Variants in GABRB1 observed in about 807,000 individuals in gnomAD.
The protein encoded by GABRB1 is gamma-aminobutyric acid type A receptor subunit beta1.
GABRB1 carries 17 observed loss-of-function variants against 51.6 expected under a neutral mutation model. The observed-to-expected ratio is 0.33, with a 90% CI of 0.23 to 0.49. The LOEUF is 0.49. GABRB1 is among the 20% of genes least tolerant of loss of function. The pLI, the probability that GABRB1 is intolerant of heterozygous loss-of-function variation, is 0.99. For synonymous variants in GABRB1, 247 were observed against 218.9 expected, an observed-to-expected ratio of 1.13 and a Z score of -1.14; for missense variants, 410 against 600.6, an observed-to-expected ratio of 0.68 and a Z score of 3.32.
intron 4 of GABRB1, among the ~76,000 whole-genome samples, chr4:47,313,057 A>C (rs1015091222): frequency 1.3e-5 from 2 of 152,214 alleles, no homozygotes; most frequent in Non-Finnish European, 2.9e-5. Flanking sequence ...ATTTCTGTTC[A>C]TTCCAAAGTA....
chr4:46,996,649 A>G (rs978836470), intron 1 of GABRB1, among the ~76,000 whole-genome samples: 2 of 152,176 alleles, frequency 1.3e-5, no homozygotes, highest in Non-Finnish European at 2.9e-5. Context: ...AGGCGAATGA[A>G]TATTTGTAGT....
intron 1 of GABRB1, among the ~76,000 whole-genome samples, chr4:47,019,131 T>C (rs1412544151): frequency 6.6e-6 from 1 of 152,080 alleles, no homozygotes; most frequent in Non-Finnish European, 1.5e-5. Flanking sequence ...CATTGAAAAA[T>C]ATGAATTTCT....
chr4:47,150,850 G>T (rs1717412442), intron 3 of GABRB1, among the ~76,000 whole-genome samples: 3 of 151,878 alleles, frequency 2.0e-5, no homozygotes, highest in African/African-American at 7.2e-5. Flanking sequence ...TATATAAAAT[G>T]ATCTTATTGT....
At chr4:47,047,419 A>G (rs1459595608) in intron 3 of GABRB1, among the ~76,000 whole-genome samples, 3 of 152,154 alleles carry the variant, frequency 2.0e-5, no homozygotes, top group African/African-American at 4.8e-5. Context: ...TATTTTACAG[A>G]TATGTAAACT....
chr4:47,341,520 CTAGT>C (rs753144729), intron 5 of GABRB1, among the ~76,000 whole-genome samples: 11 of 152,152 alleles, frequency 7.2e-5, no homozygotes, highest in Non-Finnish European at 1.5e-4. Context: ...AATAAATTGT[CTAGT>C]TAGTTAATGA....
intron 1 of GABRB1, among the ~76,000 whole-genome samples, chr4:47,015,463 A>T (rs1724715470): frequency 6.6e-6 from 1 of 152,208 alleles, no homozygotes; most frequent in East Asian, 1.9e-4. Flanking sequence ...ATAACAATGA[A>T]TTAGTCCAAA....
chr4:47,210,021 A>T (rs1043952482), intron 4 of GABRB1, among the ~76,000 whole-genome samples: 1 of 152,124 alleles, frequency 6.6e-6, no homozygotes, highest in African/African-American at 2.4e-5. Flanking sequence ...AGGATGACAG[A>T]AATATATTGA....
At chr4:47,392,528 A>G (rs990314555) in intron 5 of GABRB1, among the ~76,000 whole-genome samples, 2 of 152,042 alleles carry the variant, frequency 1.3e-5, no homozygotes, top group African/African-American at 4.8e-5. Flanking sequence ...TTTTTAGTAG[A>G]GACAGGGTTT....
chr4:47,099,913 A>G (rs1175497398), intron 3 of GABRB1, among the ~76,000 whole-genome samples: 1 of 151,984 alleles, frequency 6.6e-6, no homozygotes, highest in East Asian at 1.9e-4. Flanking sequence ...CAGAAAAAGC[A>G]TTTAGTTGTA....
At chr4:47,324,770 G>A (rs996563477) in intron 5 of GABRB1, among the ~76,000 whole-genome samples, 1 of 152,166 alleles carries the variant, frequency 6.6e-6, no homozygotes, top group Admixed American at 6.5e-5. Context: ...GGCATCTTGA[G>A]TTTAATTTGC....
chr4:47,203,787 A>C (rs1720000679), intron 4 of GABRB1, among the ~76,000 whole-genome samples: 1 of 151,784 alleles, frequency 6.6e-6, no homozygotes, highest in African/African-American at 2.4e-5. Context: ...GCCCCCTCAG[A>C]GCGTAGGTGG....
chr4:47,191,138 A>T (rs1719426735), intron 4 of GABRB1, among the ~76,000 whole-genome samples: 1 of 152,192 alleles, frequency 6.6e-6, no homozygotes, highest in Admixed American at 6.5e-5. Context: ...AGATCAGAGA[A>T]TCAGCAGAGT....
At chr4:47,024,166 T>G (rs1725015163) in intron 1 of GABRB1, among the ~76,000 whole-genome samples, 1 of 151,996 alleles carries the variant, frequency 6.6e-6, no homozygotes. Context: ...TAGTAGTTTG[T>G]TCTTCTTGTT....
At chr4:47,029,902 T>C (rs1315865657), upstream of GABRB1, among the ~76,000 whole-genome samples, 1 of 152,152 alleles carries the variant, frequency 6.6e-6, no homozygotes, top group Admixed American at 6.5e-5. Flanking sequence ...GACAAACTGA[T>C]TCAGTTTCTA....
chr4:47,320,404 AT>A (rs1725036472), intron 5 of GABRB1, among the ~76,000 whole-genome samples, 195 bp downstream of exon 5: 1 of 152,218 alleles, frequency 6.6e-6, no homozygotes, highest in Admixed American at 6.5e-5. Context: ...AAGTTCACTT[AT>A]TTTAGCTCAA....
intron 1 of GABRB1, among the ~76,000 whole-genome samples, chr4:47,007,142 TAAA>T (rs60210572): frequency 6.9e-6 from 1 of 145,376 alleles, no homozygotes; most frequent in African/African-American, 2.6e-5. Flanking sequence ...CCTGTTTGGA[TAAA>T]AAAAAAAAGA....
At chr4:47,390,884 G>A (rs1727964275) in intron 5 of GABRB1, among the ~76,000 whole-genome samples, 2 of 152,114 alleles carry the variant, frequency 1.3e-5, no homozygotes, top group Non-Finnish European at 2.9e-5. Flanking sequence ...TCTACTTGGA[G>A]AGGAGTAAGC....
intron 1 of GABRB1, among the ~76,000 whole-genome samples, chr4:46,998,301 C>A (rs1331951894): frequency 1.3e-5 from 2 of 151,982 alleles, no homozygotes; most frequent in African/African-American, 4.8e-5. Context: ...TTATAATTTT[C>A]TGAGATCAAG....
At chr4:47,040,953 C>T (rs1725812474) in intron 3 of GABRB1, among the ~76,000 whole-genome samples, 1 of 151,996 alleles carries the variant, frequency 6.6e-6, no homozygotes, top group Non-Finnish European at 1.5e-5. Context: ...TTTATAAAAC[C>T]TTATAGGTAG....
Sources: gnomAD v4.1 joint callset for allele counts (sites outside exome capture counted in the v4.1 genomes callset) on GRCh38, gnomAD v4.1.1 for gene constraint, MANE v1.5 for transcripts, NCBI Gene and HGNC (gene_info 2026-07-23, HGNC 2026-07-21) for gene names.